The following EPS15 variants were observed in gnomAD, a reference collection of about 807,000 sequenced individuals.
EPS15 encodes epidermal growth factor receptor substrate 15.
Under a neutral mutation model 113.8 loss-of-function variants are expected in EPS15, and 72 were observed. That is an observed-to-expected ratio of 0.63 (90% confidence interval 0.52 to 0.77). The LOEUF (loss-of-function observed/expected upper bound fraction) is 0.77, where lower values mean the gene tolerates loss of function less well. EPS15 is among the 30% of genes least tolerant of loss of function. EPS15 has a pLI of 0.00. For missense variants in EPS15, 1,048 were observed against 1,045.8 expected, an observed-to-expected ratio of 1.00 and a Z score of -0.03; for synonymous variants, 344 against 363.4, an observed-to-expected ratio of 0.95 and a Z score of 0.61.
chr1:51,437,101 T>C (rs1444554354), intron 12 of EPS15, among the ~76,000 whole-genome samples: 1 of 152,162 alleles, frequency 6.6e-6, no homozygotes, highest in East Asian at 1.9e-4. Flanking sequence ...AATTTTAAAA[T>C]ATACCTAAAG....
At chr1:51,452,782 T>C (rs1307749594) in intron 8 of EPS15, among the ~76,000 whole-genome samples, 1 of 152,186 alleles carries the variant, frequency 6.6e-6, no homozygotes, top group African/African-American at 2.4e-5. Context: ...TACCACGCTG[T>C]CCTTTACAAG....
At chr1:51,419,987 C>G (rs1027883377) in intron 13 of EPS15, among the ~76,000 whole-genome samples, 2 of 152,082 alleles carry the variant, frequency 1.3e-5, no homozygotes, top group African/African-American at 4.8e-5. Context: ...AATAATGAAT[C>G]TACTAACCCA....
chr1:51,408,278 CGT>C lies in EPS15; in HGVS notation c.1328_1329del (p.Tyr443Ter). The C allele has an allele frequency of 1.2e-6, 2 of 1,613,884 alleles. No homozygotes were observed. The highest frequency in any genetic ancestry group is 1.7e-6 in the Non-Finnish European group (2 of 1,179,792). ...TCTCTAGCTTTTGCCAATTCTTCTT[CGT>C]AAGTGGAGATCTGCGATTCCTGACT... ...LTSQESQIST[Y>X]EEELAKAREE... On this transcript the variant is annotated frameshift_variant, in exon 15 of 25. Transcript: ENST00000371733. LOFTEE classifies it high-confidence loss of function.
intron 12 of EPS15, chr1:51,423,240 ATGT>A (rs1409758624): frequency 7.8e-7 from 1 of 1,288,876 alleles, no homozygotes; most frequent in Non-Finnish European, 1.0e-6. Context: ...GTGGGTCGCG[ATGT>A]TGTGATTTTA....
intron 1 of EPS15, among the ~76,000 whole-genome samples, chr1:51,510,352 TG>T: frequency 6.6e-6 from 1 of 152,336 alleles, no homozygotes; most frequent in South Asian, 2.1e-4. Context: ...AGAACAGATG[TG>T]CCTGGGTTCA....
chr1:51,456,072 C>T (rs1255160512), intron 8 of EPS15, among the ~76,000 whole-genome samples: 2 of 152,080 alleles, frequency 1.3e-5, no homozygotes, highest in Admixed American at 6.5e-5. Context: ...ATCAAAGGTT[C>T]ACATGGCAAC....
At chr1:51,446,899 G>A (rs1653100603) in intron 10 of EPS15, 61 bp downstream of exon 10, 4 of 1,370,078 alleles carry the variant, frequency 2.9e-6, no homozygotes, top group Admixed American at 4.6e-5. Flanking sequence ...AAATCAAAAT[G>A]CAGAAACTGG....
rs1652885684 is a variant in EPS15 at position 51,444,918 on chromosome 1, G to C, written c.925C>G (p.Pro309Ala). Residue 309 changes from proline to alanine, a missense_variant, in exon 11 of 25, where the codon CCA becomes GCA. Coordinates refer to ENST00000371733, the MANE Select transcript of EPS15 (RefSeq NM_001981.3). ...TGTAAACTGGCCCTGTCTGATGGTGGAATCATTTCAGGAGTAAGAACGTGA... is the reference window on the plus strand; with the variant it reads ...TGTAAACTGGCCCTGTCTGATGGTGCAATCATTTCAGGAGTAAGAACGTGA... ...PPHVLTPEMI[P>A]PSDRASLQKN... 3.1e-6 allele frequency: 5 copies of C among 1,613,638 alleles called. No homozygotes were observed. The highest frequency in any genetic ancestry group is 2.2e-5 in the South Asian group (2 of 91,022).
At chr1:51,369,197 C>G (rs1387722958) in intron 21 of EPS15, among the ~76,000 whole-genome samples, 1 of 152,208 alleles carries the variant, frequency 6.6e-6, no homozygotes, top group Non-Finnish European at 1.5e-5. Context: ...TTTTTCTACA[C>G]TTTCCTCATA....
chr1:51,366,478 T>A (rs1327189024), intron 21 of EPS15, among the ~76,000 whole-genome samples: 2 of 152,242 alleles, frequency 1.3e-5, no homozygotes, highest in Non-Finnish European at 1.5e-5. Flanking sequence ...AAAGACAGAC[T>A]GTATACTGAT....
chr1:51,516,357 G>A (rs897907204), intron 1 of EPS15, among the ~76,000 whole-genome samples: 3 of 152,200 alleles, frequency 2.0e-5, no homozygotes, highest in African/African-American at 7.2e-5. Context: ...TCAGTACCTA[G>A]AGTAATTCCT....
At chr1:51,461,039 C>A in intron 8 of EPS15, 52 bp downstream of exon 8, 1 of 1,184,226 alleles carries the variant, frequency 8.4e-7, no homozygotes. Context: ...GAAATTTGCA[C>A]ATGAGAAAAT....
At chr1:51,478,488 T>C (rs980964652) in intron 2 of EPS15, among the ~76,000 whole-genome samples, 2 of 151,716 alleles carry the variant, frequency 1.3e-5, no homozygotes, top group African/African-American at 4.8e-5. Flanking sequence ...GTGAATTTGA[T>C]CCTGTCATTA....
chr1:51,512,916 T>A (rs1163214351), intron 1 of EPS15, among the ~76,000 whole-genome samples: 1 of 150,628 alleles, frequency 6.6e-6, no homozygotes, highest in Non-Finnish European at 1.5e-5. Flanking sequence ...GTGGTGCAAT[T>A]ATAGCTCACT....
At chr1:51,448,205 G>A (rs1352316065) in intron 8 of EPS15, 70 bp from the exon 9 acceptor site, 2 of 868,228 alleles carry the variant, frequency 2.3e-6, no homozygotes, top group African/African-American at 1.7e-5. Flanking sequence ...ATTGATTATT[G>A]TTCAATGATA....
intron 1 of EPS15, among the ~76,000 whole-genome samples, chr1:51,484,262 A>C (rs1343207064): frequency 6.6e-6 from 1 of 152,010 alleles, no homozygotes; most frequent in Non-Finnish European, 1.5e-5. Flanking sequence ...TCCCATTTTT[A>C]AAAAGAAACT....
chr1:51,364,475 A>T (rs946708186), intron 22 of EPS15, among the ~76,000 whole-genome samples: 3 of 151,918 alleles, frequency 2.0e-5, no homozygotes, highest in South Asian at 2.1e-4. Context: ...CATCTTGACA[A>T]ACTATAAGGA....
At chr1:51,477,498 T>G (rs1354454240) in intron 2 of EPS15, among the ~76,000 whole-genome samples, 1 of 152,216 alleles carries the variant, frequency 6.6e-6, no homozygotes, top group Non-Finnish European at 1.5e-5. Flanking sequence ...TCTGCTAGCT[T>G]TTGAATGTGC....
intron 20 of EPS15, among the ~76,000 whole-genome samples, chr1:51,396,656 A>G (rs1647975456): frequency 6.6e-6 from 1 of 152,178 alleles, no homozygotes; most frequent in African/African-American, 2.4e-5. Flanking sequence ...CCTTCATCAT[A>G]TACTGTGCAA....
Sources: gnomAD v4.1 joint callset for allele counts (sites outside exome capture counted in the v4.1 genomes callset) on GRCh38, gnomAD v4.1.1 for gene constraint, MANE v1.5 for transcripts, NCBI Gene and HGNC (gene_info 2026-07-23, HGNC 2026-07-21) for gene names.